WDR25: variants seen among roughly 807,000 people sequenced by gnomAD.
WDR25 encodes the protein WD repeat-containing protein 25.
WDR25 carries 35 observed loss-of-function variants against 47.7 expected under a neutral mutation model. The observed-to-expected ratio is 0.73, with a 90% CI of 0.56 to 0.97. The LOEUF is 0.97. Ranked by LOEUF, WDR25 falls within the 50% of genes least tolerant of loss-of-function variation. WDR25 has a pLI of 0.00. For missense variants in WDR25, 634 were observed against 704.7 expected (o/e 0.90, Z 1.14); for synonymous variants, 248 against 278.9 (o/e 0.89, Z 1.10).
chr14:100,477,563 G>GAGGATATGATA (rs60221815), intron 3 of WDR25, among the ~76,000 whole-genome samples: 97,643 of 151,604 alleles, frequency 0.64, 31,745 homozygotes, highest in Admixed American at 0.72. Flanking sequence ...TTGCCCAGGA[G>GAGGATATGATA]AACAAGCTCC....
At chr14:100,395,622 G>C (rs1053259867) in intron 2 of WDR25, among the ~76,000 whole-genome samples, 1 of 152,184 alleles carries the variant, frequency 6.6e-6, no homozygotes, top group Non-Finnish European at 1.5e-5. Flanking sequence ...CTGTGGCAAG[G>C]CCTTTAATCT....
chr14:100,445,828 C>T (rs1384391045), intron 2 of WDR25, among the ~76,000 whole-genome samples: 1 of 152,226 alleles, frequency 6.6e-6, no homozygotes, highest in Non-Finnish European at 1.5e-5. Context: ...CTGACTCAGG[C>T]ATCGGCCATC....
chr14:100,399,431 G>A (rs1313696098), intron 2 of WDR25, among the ~76,000 whole-genome samples: 1 of 151,090 alleles, frequency 6.6e-6, no homozygotes, highest in East Asian at 1.9e-4. Flanking sequence ...TTTCTCTCAT[G>A]TCTTTTTCGG....
intron 2 of WDR25, among the ~76,000 whole-genome samples, chr14:100,411,536 G>T (rs73361454): frequency 0.025 from 3,685 of 148,446 alleles, 163 homozygotes; most frequent in African/African-American, 0.086. Flanking sequence ...CTTGCTTTTT[G>T]CTTTTTTTTT....
chr14:100,381,475 G>T lies in WDR25; in HGVS notation c.551G>T (p.Arg184Leu). ...TATACTCCCAGAAGACTAAGACAGC[G>T]GCAGGCATTAAGCACGGAGACAGGC... ...VPYTPRRLRQ[R>L]QALSTETGKG... Residue 184 changes from arginine to leucine, a missense_variant, in exon 2 of 7, where the codon CGG (arginine) becomes CTG (leucine). Physicochemically the swap from Arg to Leu is moderately radical, Grantham distance 102 (BLOSUM62 -2). Transcript: ENST00000402312. The T allele has an allele frequency of 3.7e-6, 6 of 1,614,162 alleles. No homozygotes were observed. Among genetic ancestry groups the T allele is most frequent in the Non-Finnish European group, 5.1e-6 (6 of 1,180,032 alleles).
chr14:100,395,528 T>C (rs1897238441), intron 2 of WDR25, among the ~76,000 whole-genome samples: 1 of 152,188 alleles, frequency 6.6e-6, no homozygotes, highest in Non-Finnish European at 1.5e-5. Context: ...GGGCTGGCAT[T>C]TGAACTCACC....
At chr14:100,466,319 C>A (rs1286922375) in intron 2 of WDR25, among the ~76,000 whole-genome samples, 3 of 152,084 alleles carry the variant, frequency 2.0e-5, no homozygotes, top group African/African-American at 4.8e-5. Flanking sequence ...TTACATAATC[C>A]CAGGAAACAA....
chr14:100,493,396 A>G (rs1374303764), intron 4 of WDR25, among the ~76,000 whole-genome samples: 1 of 152,236 alleles, frequency 6.6e-6, no homozygotes, highest in Non-Finnish European at 1.5e-5. Flanking sequence ...TCTTTCGCTT[A>G]ACATAATGTT....
intron 2 of WDR25, among the ~76,000 whole-genome samples, chr14:100,444,011 G>A (rs947168883): frequency 2.0e-5 from 3 of 152,234 alleles, no homozygotes; most frequent in Non-Finnish European, 2.9e-5. Flanking sequence ...GCCAGAGGAA[G>A]AGCCAGGCCT....
chr14:100,393,469 G>A (rs1897187264), intron 2 of WDR25, among the ~76,000 whole-genome samples: 1 of 152,206 alleles, frequency 6.6e-6, no homozygotes, highest in Non-Finnish European at 1.5e-5. Context: ...TGGGTGTCCT[G>A]CTGTGTTGCT....
chr14:100,528,568 C>T (rs1030040402), intron 5 of WDR25, among the ~76,000 whole-genome samples: 1 of 151,944 alleles, frequency 6.6e-6, no homozygotes, highest in African/African-American at 2.4e-5. Context: ...CCACACCCAG[C>T]CTTGGCTTTC....
chr14:100,399,049 C>G (rs139311151), intron 2 of WDR25, among the ~76,000 whole-genome samples: 19 of 151,930 alleles, frequency 1.3e-4, no homozygotes, highest in African/African-American at 4.6e-4. Context: ...TTAATGGTAG[C>G]TGTTTAGTGA....
At chr14:100,519,759 T>C (rs972638002) in intron 4 of WDR25, among the ~76,000 whole-genome samples, 5 of 141,634 alleles carry the variant, frequency 3.5e-5, no homozygotes, top group Non-Finnish European at 7.6e-5. Context: ...ATATAGTGTG[T>C]ATATATAGTA....
rs1437141899 is a variant in WDR25, at chr14:100,424,907, T to C, written c.823-43114T>C. Among the ~76,000 whole-genome samples, 1 of 152,178 alleles carries C rather than the reference T, an allele frequency of 6.6e-6. No homozygotes were observed. Among genetic ancestry groups the C allele is most frequent in the African/African-American group, 2.4e-5 (1 of 41,436 alleles). On this transcript the variant is annotated intron_variant, in intron 2 of 6. Transcript: ENST00000402312. This position sits in a 1 kb window ranked among gnomAD's most constrained non-coding sequence, Gnocchi z 4.2. ...TGTGCTCCTGTTGCCCTGCCCCTCC[T>C]GGCATAATATCCCACTTCCTGCTTG...
intron 2 of WDR25, among the ~76,000 whole-genome samples, chr14:100,464,660 A>T (rs1237627538): frequency 3.6e-5 from 2 of 56,218 alleles, no homozygotes; most frequent in Non-Finnish European, 6.7e-5. Flanking sequence ...CATCTCCCCC[A>T]CCCCATCTCA....
intron 4 of WDR25, among the ~76,000 whole-genome samples, chr14:100,516,495 G>T (rs1308179790): frequency 6.6e-6 from 1 of 152,146 alleles, no homozygotes; most frequent in Non-Finnish European, 1.5e-5. Flanking sequence ...GACTTGTATG[G>T]TTTCTCCTTT....
At chr14:100,408,338 A>C (rs948500206) in intron 2 of WDR25, among the ~76,000 whole-genome samples, 6 of 152,142 alleles carry the variant, frequency 3.9e-5, no homozygotes, top group African/African-American at 1.4e-4. Context: ...ATTACAATTT[A>C]GGGGCTTAGA....
chr14:100,420,960 C>T (rs1255643964), intron 2 of WDR25, among the ~76,000 whole-genome samples: 1 of 152,222 alleles, frequency 6.6e-6, no homozygotes, highest in Non-Finnish European at 1.5e-5. Context: ...TCTCAGTCTT[C>T]CTTTCTTACC....
intron 2 of WDR25, among the ~76,000 whole-genome samples, chr14:100,396,510 G>C (rs774333922): frequency 3.9e-5 from 6 of 152,208 alleles, no homozygotes; most frequent in African/African-American, 1.2e-4. Context: ...GGTGCCTTGC[G>C]TCTTGTTCTG....
Sources: allele counts gnomAD v4.1 joint callset (sites outside exome capture counted in the v4.1 genomes callset), GRCh38; gene constraint gnomAD v4.1.1; non-coding constraint Gnocchi (gnomAD v3.1); transcripts MANE v1.5; gene names NCBI Gene and HGNC (gene_info 2026-07-23, HGNC 2026-07-21).